Variants in RNF180 observed in about 807,000 individuals in gnomAD.
The protein encoded by RNF180 is E3 ubiquitin-protein ligase RNF180.
Under a neutral mutation model 59.2 loss-of-function variants are expected in RNF180, and 38 were observed. The ratio of observed to expected loss-of-function variants is 0.64; its 90% confidence interval spans 0.50 to 0.84. The LOEUF is 0.84. Ranked by LOEUF, RNF180 falls within the 40% of genes least tolerant of loss-of-function variation. RNF180 has a pLI of 0.00. For missense variants in RNF180, 705 were observed against 700.9 expected, an observed-to-expected ratio of 1.01 and a Z score of -0.07; for synonymous variants, 262 against 240.3, an observed-to-expected ratio of 1.09 and a Z score of -0.84.
At chr5:64,287,473 C>T (rs573373413) in intron 5 of RNF180, among the ~76,000 whole-genome samples, 12 of 152,182 alleles carry the variant, frequency 7.9e-5, no homozygotes, top group African/African-American at 2.4e-4. Flanking sequence ...CCAGGTTATC[C>T]GGGAACACAG....
At chr5:64,217,968 T>C (rs1292378105) in intron 5 of RNF180, among the ~76,000 whole-genome samples, 1 of 152,176 alleles carries the variant, frequency 6.6e-6, no homozygotes, top group Non-Finnish European at 1.5e-5. Flanking sequence ...TTACTCACTT[T>C]TTAATTGGGT....
In RNF180 at chr5:64,369,598, G is replaced by A. The variant is rs1264156896; in HGVS notation, c.1580-17G>A. 4.1e-6 allele frequency: 6 copies of A among 1,474,806 alleles called. No homozygotes were observed. The highest frequency in any genetic ancestry group is 2.7e-5 in the Admixed American group (1 of 37,160). The allele number at this position is 1,474,806 out of a possible 1,614,324, so 91.4% of individuals were successfully genotyped here. A position where few individuals can be genotyped will look rare whatever the true frequency, so the allele number is the denominator to read the frequency against. The stretch of plus-strand genomic sequence containing the variant: ...GCTTGAATTTAATGGGCTTTAATAT[G>A]TTCATACATCTTCTAGGTTTCCGCA... On this transcript the variant is annotated splice_polypyrimidine_tract_variant and intron_variant, in intron 7 of 7. Transcript: ENST00000389100.
chr5:64,342,081 A>G (rs1745374064), intron 7 of RNF180, among the ~76,000 whole-genome samples: 1 of 152,148 alleles, frequency 6.6e-6, no homozygotes, highest in East Asian at 1.9e-4. Flanking sequence ...GCAGGGACAG[A>G]TATAAGTCAA....
chr5:64,273,215 G>A (rs1322892929), intron 5 of RNF180, among the ~76,000 whole-genome samples: 1 of 151,902 alleles, frequency 6.6e-6, no homozygotes, highest in African/African-American at 2.4e-5. Flanking sequence ...ACTCTATACG[G>A]TCTAAAAAGG....
intron 5 of RNF180, among the ~76,000 whole-genome samples, chr5:64,240,650 T>TA (rs1257929944): frequency 6.6e-6 from 1 of 152,198 alleles, no homozygotes; most frequent in African/African-American, 2.4e-5. Context: ...CATCACTGAT[T>TA]ACTTACCCCC....
intron 5 of RNF180, among the ~76,000 whole-genome samples, chr5:64,277,331 A>C (rs184255010): frequency 2.9e-4 from 44 of 152,280 alleles, no homozygotes; most frequent in African/African-American, 9.9e-4. Context: ...GTTTATGTAA[A>C]ATATGTATCT....
At chr5:64,357,016 T>A (rs989269181) in intron 7 of RNF180, among the ~76,000 whole-genome samples, 7 of 151,812 alleles carry the variant, frequency 4.6e-5, no homozygotes, top group East Asian at 1.9e-4. Context: ...ACTATTTTTT[T>A]AAAAAAGCAG....
At chr5:64,316,861 T>G (rs1182791449) in intron 5 of RNF180, among the ~76,000 whole-genome samples, 1 of 152,154 alleles carries the variant, frequency 6.6e-6, no homozygotes, top group African/African-American at 2.4e-5. Flanking sequence ...GATATGTCCC[T>G]CAATGTCCAA....
chr5:64,239,572 T>G (rs1742672174), intron 5 of RNF180, among the ~76,000 whole-genome samples: 1 of 152,112 alleles, frequency 6.6e-6, no homozygotes, highest in Admixed American at 6.5e-5. Context: ...AGTTAAGAGC[T>G]GTTGTATTGA....
At chr5:64,322,243 T>C (rs1034497111) in intron 5 of RNF180, among the ~76,000 whole-genome samples, 1 of 151,802 alleles carries the variant, frequency 6.6e-6, no homozygotes, top group East Asian at 1.9e-4. Flanking sequence ...GGGAGAAAAT[T>C]TTTTCAATCT....
At chr5:64,305,011 A>G (rs1417379123) in intron 5 of RNF180, among the ~76,000 whole-genome samples, 1 of 151,666 alleles carries the variant, frequency 6.6e-6, no homozygotes, top group East Asian at 1.9e-4. Context: ...CTGAAGGCTC[A>G]GATGATCATT....
chr5:64,185,780 A>C (rs902303309), intron 1 of RNF180, among the ~76,000 whole-genome samples: 1 of 152,224 alleles, frequency 6.6e-6, no homozygotes, highest in African/African-American at 2.4e-5. Context: ...CTGGGAGTTT[A>C]CAAGTAGAGG....
chr5:64,297,412 A>G (rs1395609852), intron 5 of RNF180, among the ~76,000 whole-genome samples: 1 of 151,922 alleles, frequency 6.6e-6, no homozygotes, highest in Non-Finnish European at 1.5e-5. Flanking sequence ...ATTTTTATAA[A>G]TCCCTCAAAA....
intron 7 of RNF180, among the ~76,000 whole-genome samples, chr5:64,348,376 T>G (rs2112576750): frequency 6.6e-6 from 1 of 152,236 alleles, no homozygotes; most frequent in South Asian, 2.1e-4. Flanking sequence ...ACTGTGAAAC[T>G]TATTCTTTCA....
At chr5:64,250,894 C>G (rs2112275071) in intron 5 of RNF180, among the ~76,000 whole-genome samples, 1 of 152,212 alleles carries the variant, frequency 6.6e-6, no homozygotes, top group East Asian at 1.9e-4. Context: ...CAGACAGACA[C>G]ACTACAATAA....
At chr5:64,352,650 G>C (rs1174803233) in intron 7 of RNF180, among the ~76,000 whole-genome samples, 1 of 151,672 alleles carries the variant, frequency 6.6e-6, no homozygotes, top group African/African-American at 2.4e-5. Flanking sequence ...TGCCTTCAAA[G>C]AAAGGATTTT....
At chr5:64,277,442 C>T (rs879560810) in intron 5 of RNF180, among the ~76,000 whole-genome samples, 10 of 152,072 alleles carry the variant, frequency 6.6e-5, no homozygotes, top group Non-Finnish European at 1.3e-4. Context: ...TATGGGCACA[C>T]ATGCTTTTGT....
intron 5 of RNF180, among the ~76,000 whole-genome samples, chr5:64,323,138 A>T (rs993216610): frequency 1.3e-5 from 2 of 152,222 alleles, no homozygotes; most frequent in African/African-American, 4.8e-5. Context: ...GGCAGAAGGC[A>T]GTCTTTGTGT....
At chr5:64,352,828 C>T (rs530896013) in intron 7 of RNF180, among the ~76,000 whole-genome samples, 69 of 152,072 alleles carry the variant, frequency 4.5e-4, no homozygotes, top group African/African-American at 1.6e-3. Flanking sequence ...ATTCACAGTA[C>T]TGTCATAGAT....
Sources: gnomAD v4.1 joint callset for allele counts (sites outside exome capture counted in the v4.1 genomes callset) on GRCh38, gnomAD v4.1.1 for gene constraint, MANE v1.5 for transcripts, NCBI Gene and HGNC (gene_info 2026-07-23, HGNC 2026-07-21) for gene names.